FAM53A: variants seen among roughly 807,000 people sequenced by gnomAD.
The protein encoded by FAM53A is family with sequence similarity 53 member A.
FAM53A carries 28 observed loss-of-function variants against 26.6 expected under a neutral mutation model. That is an observed-to-expected ratio of 1.05 (90% CI 0.78 to 1.45). The LOEUF (loss-of-function observed/expected upper bound fraction) is 1.45. Among genes scored for constraint, FAM53A ranks in the 40% most tolerant of loss-of-function variants. The pLI, the probability that FAM53A is intolerant of heterozygous loss-of-function variation, is 0.00. For synonymous variants in FAM53A, 290 were observed against 253.1 expected (o/e 1.15, Z -1.38); for missense variants, 650 against 575.8 (o/e 1.13, Z -1.32).
the FAM53A span, among the ~76,000 whole-genome samples, chr4:1,600,592 C>T: frequency 6.6e-6 from 1 of 152,208 alleles, no homozygotes; most frequent in African/African-American, 2.4e-5. Flanking sequence ...TTGCTGTGGC[C>T]GGCACACTGC....
chr4:1,641,629 C>A, intron 4 of FAM53A, 22 bp from the exon 5 acceptor site: 1 of 1,612,988 alleles, frequency 6.2e-7, no homozygotes, highest in Non-Finnish European at 8.5e-7. Context: ...AAGATACGGG[C>A]TTAAAGCATT....
chr4:1,632,362 G>C (rs1175118074), intron 1 of FAM53A, among the ~76,000 whole-genome samples: 1 of 151,990 alleles, frequency 6.6e-6, no homozygotes, highest in Non-Finnish European at 1.5e-5. Context: ...TTGAACCACA[G>C]AGCGAGGCCC....
the FAM53A span, among the ~76,000 whole-genome samples, chr4:1,606,327 G>A: frequency 1.3e-5 from 2 of 151,942 alleles, no homozygotes; most frequent in African/African-American, 4.8e-5. Context: ...TTACAGGCAT[G>A]AGCCACCGCA....
downstream of FAM53A, among the ~76,000 whole-genome samples, chr4:1,614,819 C>T (rs191985010): frequency 2.7e-4 from 41 of 152,290 alleles, no homozygotes; most frequent in Non-Finnish European, 3.2e-4. Context: ...AGCTCACAGC[C>T]AGCGGTGCCA....
At chr4:1,679,679 T>G (rs1379605477) in intron 1 of FAM53A, among the ~76,000 whole-genome samples, 10 of 96,490 alleles carry the variant, frequency 1.0e-4, no homozygotes, top group African/African-American at 4.6e-4. Context: ...AGAGGGAAAC[T>G]CCATTAAAAA....
the FAM53A span, among the ~76,000 whole-genome samples, chr4:1,579,353 G>T: frequency 5.3e-5 from 8 of 151,668 alleles, no homozygotes; most frequent in Non-Finnish European, 1.2e-4. Context: ...CCCTACCCCG[G>T]CCGCCCTCGG....
upstream of FAM53A, among the ~76,000 whole-genome samples, chr4:1,684,506 C>T (rs1057261774): frequency 6.6e-5 from 10 of 151,130 alleles, no homozygotes; most frequent in South Asian, 8.3e-4. Flanking sequence ...GCAGCGCGCC[C>T]TGTGCGAGGG....
At chr4:1,670,450 G>C (rs902568238) in intron 1 of FAM53A, among the ~76,000 whole-genome samples, 1 of 152,240 alleles carries the variant, frequency 6.6e-6, no homozygotes, top group Admixed American at 6.5e-5. Context: ...AGGTCCAGGG[G>C]ACTGGGCAGA....
chr4:1,641,241 C>T lies in FAM53A; in HGVS notation c.*52G>A. 11 of 1,592,290 alleles carry T rather than the reference C, an allele frequency of 6.9e-6. No individual in the cohort carries two copies. Among genetic ancestry groups the T allele is most frequent in the Non-Finnish European group, 9.4e-6 (11 of 1,165,420 alleles). ...CAGCTCACAGGAAACCTACTCTGTG[C>T]CCCAGGGCAGGTGCAGGCGGCAGCC... On this transcript the variant is annotated 3_prime_UTR_variant, in exon 5 of 5. Transcript: ENST00000308132.
downstream of FAM53A, among the ~76,000 whole-genome samples, chr4:1,617,753 C>T (rs1178391543): frequency 2.0e-5 from 3 of 152,162 alleles, no homozygotes; most frequent in Non-Finnish European, 4.4e-5. Flanking sequence ...TCTTGACGCC[C>T]CTTTCATTCC....
chr4:1,578,321 C>G, the FAM53A span, among the ~76,000 whole-genome samples: 1 of 152,220 alleles, frequency 6.6e-6, no homozygotes, highest in Non-Finnish European at 1.5e-5. Context: ...AAACTGAACA[C>G]CCCGGGTGGC....
At chr4:1,679,386 CAAAA>C (rs34354638) in intron 1 of FAM53A, among the ~76,000 whole-genome samples, 22 of 61,214 alleles carry the variant, frequency 3.6e-4, no homozygotes, top group Non-Finnish European at 4.2e-4. Context: ...ACCATGTCTC[CAAAA>C]AAAAAAAAAA....
chr4:1,637,258 G>A (rs1715885988), downstream of FAM53A, among the ~76,000 whole-genome samples: 1 of 152,168 alleles, frequency 6.6e-6, no homozygotes, highest in South Asian at 2.1e-4. Context: ...GACAAGCACG[G>A]GGCCTGTGAC....
chr4:1,655,170 C>T lies in FAM53A; in HGVS notation c.690G>A (p.Ala230=), dbSNP rs775526750. Residue 230 remains alanine (A), a synonymous_variant, in exon 4 of 5, where the codon GCG becomes GCA. Coordinates refer to ENST00000308132, the MANE Select transcript of FAM53A (RefSeq NM_001174070.3). ...RRPSLSQERL[A]GAGTPLPWAS... ...CCCAGGGCAGGGGAGTGCCCGCACC[C>T]GCGAGTCGCTCCTGTGAGAGGGACG... The T allele has an allele frequency of 2.0e-5, 32 of 1,572,262 alleles. No individual in the cohort carries two copies. Among genetic ancestry groups the T allele is most frequent in the Non-Finnish European group, 2.4e-5 (28 of 1,165,074 alleles).
At chr4:1,600,436 C>A in the FAM53A span, among the ~76,000 whole-genome samples, 7 of 152,284 alleles carry the variant, frequency 4.6e-5, no homozygotes, top group Non-Finnish European at 1.0e-4. Context: ...CCCTCAGCCC[C>A]TCCCCTACTG....
intron 1 of FAM53A, among the ~76,000 whole-genome samples, chr4:1,634,182 T>C (rs2108780852): frequency 6.6e-6 from 1 of 152,296 alleles, no homozygotes; most frequent in East Asian, 1.9e-4. Flanking sequence ...CCTGTGACCC[T>C]GACCTCGGGG....
Position 1,654,967 on chromosome 4 carries a change from G to C in FAM53A, c.882+11C>G. The stretch of plus-strand genomic sequence containing the variant: ...CGCCCCTCTGAGCCCCTGGAAATAA[G>C]AAAGCCTCACCTGGGTCATTTTCAG... On this transcript the variant is annotated intron_variant, in intron 4 of 4. Coordinates refer to ENST00000308132, the MANE Select transcript of FAM53A (RefSeq NM_001174070.3). 3 of 1,503,512 alleles carry C rather than the reference G, an allele frequency of 2.0e-6. No individual in the cohort carries two copies. Among genetic ancestry groups the C allele is most frequent in the Non-Finnish European group, 2.7e-6 (3 of 1,124,314 alleles). The allele number at this position is 1,503,512 out of a possible 1,614,324, so 93.1% of individuals were successfully genotyped here.
At chr4:1,626,514 G>T (rs190780843) in intron 1 of FAM53A, among the ~76,000 whole-genome samples, 19 of 151,636 alleles carry the variant, frequency 1.3e-4, no homozygotes, top group African/African-American at 4.4e-4. Flanking sequence ...GGGAGGACCC[G>T]GGACAGTGTA....
chr4:1,665,242 C>T (rs963622290), intron 2 of FAM53A, among the ~76,000 whole-genome samples: 3 of 151,962 alleles, frequency 2.0e-5, no homozygotes, highest in African/African-American at 7.3e-5. Context: ...TGCTTGAATG[C>T]GGGAGGCAGA....
Sources: allele counts gnomAD v4.1 joint callset (sites outside exome capture counted in the v4.1 genomes callset), GRCh38; gene constraint gnomAD v4.1.1; transcripts MANE v1.5; gene names NCBI Gene and HGNC (gene_info 2026-07-23, HGNC 2026-07-21).